Variants in ZNF880 observed in about 807,000 individuals in gnomAD.
The protein encoded by ZNF880 is zinc finger protein 880.
A neutral mutation model predicts 11.8 loss-of-function variants in ZNF880; 12 were observed. The observed-to-expected ratio is 1.02, with a 90% confidence interval of 0.65 to 1.65. The LOEUF (loss-of-function observed/expected upper bound fraction) is 1.65, where lower values mean the gene tolerates loss of function less well. ZNF880 is among the 40% of genes most tolerant of loss of function. ZNF880 has a pLI of 0.00. For synonymous variants in ZNF880, 210 were observed against 232.4 expected (o/e 0.90, Z 0.88); for missense variants, 601 against 673.9 (o/e 0.89, Z 1.20).
At chr19:52,368,896 C>T (rs984203844), upstream of ZNF880, among the ~76,000 whole-genome samples, 1 of 139,362 alleles carries the variant, frequency 7.2e-6, no homozygotes, top group Admixed American at 8.0e-5. Flanking sequence ...ATGGGAGGAT[C>T]ACTTGATGCC....
In ZNF880 at chr19:52,385,255, C is replaced by T. The variant is rs747596546; in HGVS notation, c.1675C>T (p.Arg559Ter). The change falls in exon 4 of 4, where the codon CGA becomes TGA. Residue 559 changes from arginine (R) to a stop codon, truncating the protein, a stop_gained. Transcript: ENST00000422689. LOFTEE classifies it low-confidence loss of function (END_TRUNC). Reference sequence around the variant, plus strand: ...TCATGAATGTGGTAAGGACTTCACTCGAAATTCAAACCTGGCAAATCATCA... The same window carrying T: ...TCATGAATGTGGTAAGGACTTCACTTGAAATTCAAACCTGGCAAATCATCA... ...RCHECGKDFT[R>*]NSNLANHHRI... 2.4e-5 allele frequency: 38 copies of T among 1,551,680 alleles called. No homozygotes were observed. The highest frequency in any genetic ancestry group is 7.1e-5 in the South Asian group (6 of 84,052).
At chr19:52,374,247 G>A in intron 2 of ZNF880, 52 bp from the exon 3 acceptor site, 1 of 1,497,412 alleles carries the variant, frequency 6.7e-7, no homozygotes, top group Non-Finnish European at 9.0e-7. Context: ...TAGAGATGGG[G>A]TTTCACCGTG....
At chr19:52,376,346 T>G (rs1986550253) in intron 3 of ZNF880, among the ~76,000 whole-genome samples, 1 of 152,158 alleles carries the variant, frequency 6.6e-6, no homozygotes, top group Non-Finnish European at 1.5e-5. Context: ...ATTTTTTGAT[T>G]ATGGCCATTC....
At chr19:52,368,863 T>G (rs536371475), upstream of ZNF880, among the ~76,000 whole-genome samples, 2 of 150,636 alleles carry the variant, frequency 1.3e-5, no homozygotes, top group East Asian at 3.9e-4. Flanking sequence ...GTGCCTGTAG[T>G]CCCAGCTACT....
chr19:52,383,058 C>T (rs1431530191), intron 3 of ZNF880, among the ~76,000 whole-genome samples: 1 of 152,102 alleles, frequency 6.6e-6, no homozygotes. Context: ...TTGCAGTCTG[C>T]TGTTGAATCC....
downstream of ZNF880, among the ~76,000 whole-genome samples, chr19:52,388,127 C>T (rs1241616143): frequency 2.8e-5 from 3 of 106,914 alleles, no homozygotes; most frequent in Admixed American, 2.5e-4. Flanking sequence ...ATCCACCCGC[C>T]TCGGACTCCC....
chr19:52,391,562 AACAC>A, the ZNF880 span: 3 of 152,136 alleles, frequency 2.0e-5, no homozygotes, highest in African/African-American at 7.2e-5. Context: ...TAGGTAGAGA[AACAC>A]ACAGTAATGA....
Position 52,373,186 on chromosome 19 carries a change from A to G in ZNF880, c.88A>G (p.Thr30Ala). The G allele has an allele frequency of 1.2e-6, 2 of 1,613,346 alleles. No individual in the cohort carries two copies. The highest frequency in any genetic ancestry group is 1.7e-6 in the Non-Finnish European group (2 of 1,179,560). The change falls in exon 2 of 4, where the codon ACT becomes GCT. Residue 30 changes from threonine to alanine, a missense_variant. Coordinates refer to ENST00000422689, the MANE Select transcript of ZNF880 (RefSeq NM_001145434.2). ...GAAATGTCTGGACCCTGCTCAGAGG[A>G]CTTTATACAGGGAAGTGATGGTGGA... ...EWKCLDPAQRTLYREVMVENY... is the reference protein window; with the variant it reads ...EWKCLDPAQRALYREVMVENY...
intron 1 of ZNF880, among the ~76,000 whole-genome samples, chr19:52,371,170 G>T (rs989885531): frequency 2.0e-5 from 3 of 152,156 alleles, no homozygotes; most frequent in Admixed American, 6.5e-5. Context: ...ATATTTTCAT[G>T]ACCTTAAAAT....
At chr19:52,368,430 C>A (rs376067400), upstream of ZNF880, among the ~76,000 whole-genome samples, 18 of 152,104 alleles carry the variant, frequency 1.2e-4, no homozygotes, top group East Asian at 3.5e-3. Flanking sequence ...TTTGAAGTCC[C>A]CCTAAGGTTT....
At chr19:52,379,816 T>C (rs1355010467) in intron 3 of ZNF880, 1 of 155,924 alleles carries the variant, frequency 6.4e-6, no homozygotes, top group Non-Finnish European at 1.4e-5. Context: ...TTAGTTCTTT[T>C]GTATATATAC....
intron 1 of ZNF880, among the ~76,000 whole-genome samples, chr19:52,372,793 C>A (rs553470295): frequency 6.7e-6 from 1 of 150,042 alleles, no homozygotes; most frequent in East Asian, 2.0e-4. Flanking sequence ...GCCTGTAGTC[C>A]CAGCTACTCG....
chr19:52,394,801 T>C, the ZNF880 span: 4 of 152,198 alleles, frequency 2.6e-5, no homozygotes, highest in African/African-American at 4.8e-5. Flanking sequence ...CCTTTGTAGG[T>C]TCCAGAGGCC....
chr19:52,379,461 T>C (rs1568662836), intron 3 of ZNF880: 1 of 447,316 alleles, frequency 2.2e-6, no homozygotes, highest in Non-Finnish European at 4.5e-6. Flanking sequence ...AATGCCGCGA[T>C]CTCGGCTCAC....
rs1193136772 is a variant in ZNF880, at chr19:52,369,969, C to T, written c.4C>T (p.Leu2=). 1.3e-6 allele frequency: 2 copies of T among 1,551,532 alleles called. No individual in the cohort carries two copies. The highest frequency in any genetic ancestry group is 2.0e-5 in the Admixed American group (1 of 50,972). Residue 2 remains leucine, a synonymous_variant, in exon 1 of 4, where the codon CTG becomes TTG. Transcript: ENST00000422689. ...CAGATTACGTGGAGTGACGGTCATGCTGCGGCGTGTGAGTTTCCCTTTGTT... is the reference window on the plus strand; with the variant it reads ...CAGATTACGTGGAGTGACGGTCATGTTGCGGCGTGTGAGTTTCCCTTTGTT... M[L]RRGHLAFRDV...
chr19:52,374,409 A>C lies in ZNF880; in HGVS notation c.250A>C (p.Ile84Leu). 1 of 1,612,650 alleles carries C rather than the reference A, an allele frequency of 6.2e-7. No homozygotes were observed. The highest frequency in any genetic ancestry group is 2.2e-5 in the East Asian group (1 of 44,870). Residue 84 changes from isoleucine to leucine, a missense_variant, in exon 3 of 4, where the codon ATC becomes CTC. By Grantham distance (5) the Ile-to-Leu change is conservative (BLOSUM62 2). This residue lies in a region of ZNF880 where 420 missense variants were observed against 442.6 expected (regional missense o/e 0.95). Coordinates refer to ENST00000422689, the MANE Select transcript of ZNF880 (RefSeq NM_001145434.2). ...IANNPGGRECIKGVNAESSSK... is the reference protein window; with the variant it reads ...IANNPGGRECLKGVNAESSSK... Reference sequence around the variant, plus strand: ...AAACAATCCAGGTGGCAGGGAGTGCATCAAAGGTGTGAACGCAGGTAAGAG... The same window carrying C: ...AAACAATCCAGGTGGCAGGGAGTGCCTCAAAGGTGTGAACGCAGGTAAGAG...
intron 3 of ZNF880, among the ~76,000 whole-genome samples, chr19:52,380,941 G>C (rs1320157268): frequency 6.6e-6 from 1 of 152,100 alleles, no homozygotes; most frequent in Non-Finnish European, 1.5e-5. Context: ...GCCTTGCAAA[G>C]TGTTGGAATT....
intron 3 of ZNF880, chr19:52,374,761 T>G: frequency 1.8e-6 from 1 of 561,018 alleles, no homozygotes; most frequent in Admixed American, 3.1e-5. Context: ...TGAGACAAGT[T>G]CTTGCTCTGT....
chr19:52,375,289 C>T (rs1986519760), intron 3 of ZNF880, among the ~76,000 whole-genome samples: 2 of 151,764 alleles, frequency 1.3e-5, no homozygotes, highest in African/African-American at 4.8e-5. Context: ...CAATTTCAAG[C>T]CATTCTCATG....
Sources: gnomAD v4.1 joint callset for allele counts (sites outside exome capture counted in the v4.1 genomes callset) on GRCh38, gnomAD v4.1.1 for gene constraint, gnomAD v4.1.1 regional missense constraint, MANE v1.5 for transcripts, NCBI Gene and HGNC (gene_info 2026-07-23, HGNC 2026-07-21) for gene names.